Variants in VAX1 observed in about 807,000 individuals in gnomAD.
VAX1 encodes the protein ventral anterior homeobox 1.
In VAX1, 6 loss-of-function variants were observed where a neutral mutation model predicts 17.6. The observed-to-expected ratio is 0.34, with a 90% confidence interval of 0.19 to 0.67. The LOEUF is 0.67. Ranked by LOEUF, VAX1 falls within the 30% of genes least tolerant of loss-of-function variation. VAX1 has a pLI of 0.69. For missense variants in VAX1, 408 were observed against 463.7 expected (o/e 0.88, Z 1.10); for synonymous variants, 256 against 227.4 (o/e 1.13, Z -1.13).
chr10:117,138,189 C>T lies in VAX1; in HGVS notation c.-133G>A, dbSNP rs532689159. On this transcript the variant is annotated 5_prime_UTR_variant, in exon 1 of 3. Coordinates refer to ENST00000369206, the MANE Select transcript of VAX1 (RefSeq NM_001112704.2). ...GACAACGCGGCCCGTACGCCCGGCC[C>T]GGCGACAGGCAAGGGGCAAGAATGA... 3.2e-4 allele frequency: 348 copies of T among 1,098,280 alleles called. 3 individuals are homozygous for T. The African/African-American group carries it at 5.0e-3, about 16-fold the overall frequency. The allele number at this position is 1,098,280 out of a possible 1,614,324, so 68.0% of individuals were successfully genotyped here.
In VAX1 at chr10:117,137,704, T is replaced by C; in HGVS notation, c.241+112A>G. Reference sequence around the variant, plus strand: ...GGGGCGGGGAGGGCCAACAACTTTCTCCCAAGTCCCAGCCGGCACTCCTTC... The same window carrying C: ...GGGGCGGGGAGGGCCAACAACTTTCCCCCAAGTCCCAGCCGGCACTCCTTC... On this transcript the variant is annotated intron_variant, in intron 1 of 2. Coordinates refer to ENST00000369206, the MANE Select transcript of VAX1 (RefSeq NM_001112704.2). This position sits in a 1 kb window ranked among gnomAD's most constrained non-coding sequence, Gnocchi z 7.4. 6.3e-7 allele frequency: 1 copy of C among 1,582,920 alleles called. No homozygotes were observed. Among genetic ancestry groups the C allele is most frequent in the African/African-American group, 1.4e-5 (1 of 73,814 alleles).
downstream of VAX1, chr10:117,133,163 C>T (rs1472129236): frequency 3.9e-6 from 2 of 517,766 alleles, no homozygotes; most frequent in East Asian, 1.5e-4. Flanking sequence ...CATTAAATTC[C>T]TGTTTAAAGT....
downstream of VAX1, chr10:117,128,920 C>T (rs1016523788): frequency 1.3e-5 from 2 of 152,232 alleles, no homozygotes; most frequent in Non-Finnish European, 2.9e-5. Context: ...AAAAGACCTT[C>T]CCTGAGACCT....
At chr10:117,129,368 C>T (rs1309275929), downstream of VAX1, 4 of 152,582 alleles carry the variant, frequency 2.6e-5, no homozygotes, top group African/African-American at 9.7e-5. Flanking sequence ...TCAGTTGTAT[C>T]TTGAAAAACA....
chr10:117,134,034 C>G lies in VAX1; in HGVS notation c.979G>C (p.Gly327Arg), dbSNP rs1854129412. 6.6e-7 allele frequency: 1 copy of G among 1,524,046 alleles called. No individual in the cohort carries two copies. Among genetic ancestry groups the G allele is most frequent in the East Asian group, 2.6e-5 (1 of 37,760 alleles). The allele number at this position is 1,524,046 out of a possible 1,614,324, so 94.4% of individuals were successfully genotyped here. ...EPYSRTNNKE[G>R]AEKKALD ...CAGTCCAGCGCTTTTTTCTCGGCCCCTTCTTTATTGTTGGTCCGGGAGTAA... is the reference window on the plus strand; with the variant it reads ...CAGTCCAGCGCTTTTTTCTCGGCCCGTTCTTTATTGTTGGTCCGGGAGTAA... The change falls in exon 3 of 3, where the codon GGG (glycine) becomes CGG (arginine). Residue 327 changes from glycine to arginine, a missense_variant. By Grantham distance (125) the Gly-to-Arg change is moderately radical. Coordinates refer to ENST00000369206, the MANE Select transcript of VAX1 (RefSeq NM_001112704.2). This position sits in a 1 kb window ranked among gnomAD's most constrained non-coding sequence, Gnocchi z 6.2.
chr10:117,129,398 A>G (rs1348201881), downstream of VAX1: 1 of 152,608 alleles, frequency 6.6e-6, no homozygotes, highest in East Asian at 1.9e-4. Flanking sequence ...TGTGTTTTTA[A>G]GTTTTGATCA....
downstream of VAX1, chr10:117,132,035 T>G: frequency 1.7e-6 from 1 of 603,858 alleles, no homozygotes; most frequent in Non-Finnish European, 2.8e-6. This position sits in a 1 kb window ranked among gnomAD's most constrained non-coding sequence, Gnocchi z 4.9. Context: ...AGTGGGAAAT[T>G]AAGGAGGAGG....
At chr10:117,133,257 TTGGAAGTATTTA>T (rs1589945664), downstream of VAX1, 2 of 983,918 alleles carry the variant, frequency 2.0e-6, no homozygotes, top group East Asian at 2.3e-4. Context: ...AATTTCATCA[TTGGAAGTATTTA>T]AAAACTGGTT....
Position 117,138,096 on chromosome 10 carries a change from C to CAAAAAAAAAAAAAAAAAAAAAAAAAG in VAX1, c.-41_-40insCTTTTTTTTTTTTTTTTTTTTTTTTT. The CAAAAAAAAAAAAAAAAAAAAAAAAAG allele has an allele frequency of 2.8e-6, 1 of 352,316 alleles. No homozygotes were observed. The highest frequency in any genetic ancestry group is 8.5e-5 in the Admixed American group (1 of 11,708). 21.8% of individuals were successfully genotyped at this position (352,316 alleles called of 1,614,324 possible). On this transcript the variant is annotated 5_prime_UTR_variant, in exon 1 of 3. Transcript: ENST00000369206. ...ACAAAAACAGAAAGGAAAAAAAAAG[C>CAAAAAAAAAAAAAAAAAAAAAAAAAG]AAAAAAAAAAAAAAGGGGGGGGGGC... is the stretch of plus-strand genomic sequence containing the variant.
In VAX1 at chr10:117,134,682, A is replaced by G. The variant is rs1174456811; in HGVS notation, c.430-99T>C. ...GGCGCGCGGCTCCGGGGCTCTCCCC[A>G]AGTCCCAGCCCTATCCGCAGCCCCA... On this transcript the variant is annotated intron_variant, in intron 2 of 2. Transcript: ENST00000369206. The surrounding 1 kb of genome is among the most constrained non-coding windows in gnomAD (Gnocchi z 6.2). 13 of 1,256,502 alleles carry G rather than the reference A, an allele frequency of 1.0e-5. No individual in the cohort carries two copies. The highest frequency in any genetic ancestry group is 1.3e-5 in the Non-Finnish European group (12 of 948,834). 77.8% of individuals were successfully genotyped at this position (1,256,502 alleles called of 1,614,324 possible).
rs1564972367 is a variant in VAX1 at position 117,137,862 on chromosome 10, G to A, written c.195C>T (p.Ser65=). The A allele has an allele frequency of 6.2e-7, 1 of 1,613,632 alleles. No homozygotes were observed. The highest frequency in any genetic ancestry group is 8.5e-7 in the Non-Finnish European group (1 of 1,179,972). Residue 65 remains serine (S), a synonymous_variant, in exon 1 of 3, where the codon TCC becomes TCT. Coordinates refer to ENST00000369206, the MANE Select transcript of VAX1 (RefSeq NM_001112704.2). The surrounding 1 kb of genome is among the most constrained non-coding windows in gnomAD (Gnocchi z 7.4). ...GAAEDCNKSK[S]NSAADPDYCR... ...AGTAATCCGGGTCCGCTGCGGAATTGGATTTACTTTTGTTACAATCCTCAG... is the reference window on the plus strand; with the variant it reads ...AGTAATCCGGGTCCGCTGCGGAATTAGATTTACTTTTGTTACAATCCTCAG...
rs528557031 is a variant in VAX1, at chr10:117,136,906, A to G, written c.242-247T>C. ...TAGAGTCCTCCAGACAGGGGAGAGAAAAAAATCCAATCAATTCCACATAGG... is the reference window on the plus strand; with the variant it reads ...TAGAGTCCTCCAGACAGGGGAGAGAGAAAAATCCAATCAATTCCACATAGG... On this transcript the variant is annotated intron_variant, in intron 1 of 2. Coordinates refer to ENST00000369206, the MANE Select transcript of VAX1 (RefSeq NM_001112704.2). This position sits in a 1 kb window ranked among gnomAD's most constrained non-coding sequence, Gnocchi z 5.0. 7.6e-4 allele frequency among the ~76,000 whole-genome samples: 116 copies of G among 152,278 alleles called. No homozygotes were observed. Among genetic ancestry groups the G allele is most frequent in the Non-Finnish European group, 1.1e-3 (75 of 68,032 alleles).
downstream of VAX1, chr10:117,131,179 G>T: frequency 6.5e-6 from 1 of 153,776 alleles, no homozygotes; most frequent in Non-Finnish European, 1.4e-5. Context: ...CTGGAAGGAA[G>T]AAGTAATGGA....
rs939451478 is a variant in VAX1, at chr10:117,134,123, C to G, written c.890G>C (p.Gly297Ala). ...RLSSAPLTMA[G>A]SLAGNLQELS... The stretch of plus-strand genomic sequence containing the variant: ...TTCTTGCAAATTCCCAGCTAGCGAA[C>G]CAGCCATTGTTAACGGGGCGGAGGA... Residue 297 changes from glycine to alanine, a missense_variant, in exon 3 of 3, where the codon GGT becomes GCT. Around this residue, in one of 4 missense-constraint regions of VAX1, gnomAD observed 196 missense variants for 218.7 expected, o/e 0.90. Transcript: ENST00000369206. The surrounding 1 kb of genome is among the most constrained non-coding windows in gnomAD (Gnocchi z 6.2). 2.0e-6 allele frequency: 3 copies of G among 1,535,954 alleles called. No individual in the cohort carries two copies. In the African/African-American group the frequency reaches 4.2e-5, roughly 21 times the overall value.
Position 117,134,632 on chromosome 10 carries a change from AG to A in VAX1, c.430-50del. On this transcript the variant is annotated intron_variant, in intron 2 of 2. Coordinates refer to ENST00000369206, the MANE Select transcript of VAX1 (RefSeq NM_001112704.2). This position sits in a 1 kb window ranked among gnomAD's most constrained non-coding sequence, Gnocchi z 6.2. Reference sequence around the variant, plus strand: ...GTTGGAGAGAGGGGCAGGGAAGACCAGCGTCAAAGGAAGCGAGCTCCCGGGG... The same window carrying A: ...GTTGGAGAGAGGGGCAGGGAAGACCACGTCAAAGGAAGCGAGCTCCCGGGG... 2.1e-5 allele frequency: 30 copies of A among 1,450,714 alleles called. 1 individual carries two copies. The South Asian group carries it at 3.9e-4, about 19-fold the overall frequency. 89.9% of individuals were successfully genotyped at this position (1,450,714 alleles called of 1,614,324 possible). A position where few individuals can be genotyped will look rare whatever the true frequency, so the allele number is the denominator to read the frequency against.
chr10:117,135,186 G>A (rs1378577028), intron 2 of VAX1, among the ~76,000 whole-genome samples: 2 of 152,222 alleles, frequency 1.3e-5, no homozygotes, highest in Non-Finnish European at 2.9e-5. Flanking sequence ...CCATTAGCTA[G>A]CAGCAAGCAG....
rs1422504196 is a variant in VAX1 at position 117,137,378 on chromosome 10, C to T, written c.241+438G>A. Among the ~76,000 whole-genome samples the T allele has an allele frequency of 6.6e-6, 1 of 152,140 alleles. No homozygotes were observed. Among genetic ancestry groups the T allele is most frequent in the East Asian group, 1.9e-4 (1 of 5,168 alleles). ...GTGCACTAACTGGCAGGGCCGTAGC[C>T]CGCGATCGGCAGCTGTTCTCCGGGG... On this transcript the variant is annotated intron_variant, in intron 1 of 2. Transcript: ENST00000369206. This position sits in a 1 kb window ranked among gnomAD's most constrained non-coding sequence, Gnocchi z 7.4.
At chr10:117,132,367 A>G, downstream of VAX1, 1 of 1,610,570 alleles carries the variant, frequency 6.2e-7, no homozygotes, top group Non-Finnish European at 8.5e-7. This position sits in a 1 kb window ranked among gnomAD's most constrained non-coding sequence, Gnocchi z 4.9. Context: ...CACTCTCACC[A>G]CATAAATACA....
At position 117,136,755 on chromosome 10, in the gene VAX1, C is replaced by A; in HGVS notation, c.242-96G>T. On this transcript the variant is annotated intron_variant, in intron 1 of 2. Coordinates refer to ENST00000369206, the MANE Select transcript of VAX1 (RefSeq NM_001112704.2). The surrounding 1 kb of genome is among the most constrained non-coding windows in gnomAD (Gnocchi z 5.0). ...TGGGGACACAGTCCCCAGAAGCGTG[C>A]AGTTTTGGGGATGGGGGGCGGGGTG... The A allele has an allele frequency of 6.9e-7, 1 of 1,452,530 alleles. No individual in the cohort carries two copies. The allele number at this position is 1,452,530 out of a possible 1,614,324, so 90.0% of individuals were successfully genotyped here.
Sources: allele counts gnomAD v4.1 joint callset (sites outside exome capture counted in the v4.1 genomes callset), GRCh38; gene constraint gnomAD v4.1.1; regional missense constraint gnomAD v4.1.1; non-coding constraint Gnocchi (gnomAD v3.1); transcripts MANE v1.5; gene names NCBI Gene and HGNC (gene_info 2026-07-23, HGNC 2026-07-21).